Variants in CORIN observed in about 807,000 individuals in gnomAD.
CORIN encodes the protein atrial natriuretic peptide-converting enzyme.
A neutral mutation model predicts 125.3 loss-of-function variants in CORIN; 117 were observed. The observed-to-expected ratio is 0.93, with a 90% CI of 0.80 to 1.09. The LOEUF (loss-of-function observed/expected upper bound fraction) is 1.09, where lower values mean the gene tolerates loss of function less well. Ranked by LOEUF, CORIN falls within the 50% of genes least tolerant of loss-of-function variation. CORIN has a pLI of 0.00. For synonymous variants in CORIN, 450 were observed against 466.4 expected, an observed-to-expected ratio of 0.96 and a Z score of 0.45; for missense variants, 1,253 against 1,306.7, an observed-to-expected ratio of 0.96 and a Z score of 0.63.
At chr4:47,836,882 G>A (rs1240333787) in intron 1 of CORIN, among the ~76,000 whole-genome samples, 2 of 152,224 alleles carry the variant, frequency 1.3e-5, no homozygotes, top group Non-Finnish European at 2.9e-5. Context: ...CGCACAGCCT[G>A]CCCTCTCTGC....
chr4:47,751,505 C>G (rs896782752), intron 4 of CORIN, among the ~76,000 whole-genome samples: 1 of 152,194 alleles, frequency 6.6e-6, no homozygotes, highest in Non-Finnish European at 1.5e-5. Flanking sequence ...TGTACTCTCT[C>G]TAATATATGG....
chr4:47,701,929 C>CAGA lies in CORIN; in HGVS notation c.800-8849_800-8847dup, dbSNP rs1400770965. Among the ~76,000 whole-genome samples the CAGA allele has an allele frequency of 4.6e-5, 7 of 152,108 alleles. No individual in the cohort carries two copies. The South Asian group carries it at 1.5e-3, about 32-fold the overall frequency. On this transcript the variant is annotated intron_variant, in intron 5 of 21. Transcript: ENST00000273857. ...ATTCTGTTATTTATCATTTCCTGAACAGAAGTGCAGTAACATAATTTCAAA... is the reference window on the plus strand; with the variant it reads ...ATTCTGTTATTTATCATTTCCTGAACAGAAGAAGTGCAGTAACATAATTTCAAA...
chr4:47,758,002 C>T (rs1667569064), intron 4 of CORIN, among the ~76,000 whole-genome samples: 1 of 151,380 alleles, frequency 6.6e-6, no homozygotes, highest in Non-Finnish European at 1.5e-5. Context: ...CAAGCTCCAC[C>T]TCCCGGATTC....
intron 1 of CORIN, among the ~76,000 whole-genome samples, chr4:47,829,082 C>T (rs1420626077): frequency 9.7e-5 from 14 of 144,616 alleles, no homozygotes; most frequent in South Asian, 2.2e-4. Flanking sequence ...AGCGTGAACC[C>T]GGGAGGCGGA....
chr4:47,752,576 C>A (rs762886849), intron 4 of CORIN, among the ~76,000 whole-genome samples: 3 of 152,080 alleles, frequency 2.0e-5, no homozygotes, highest in African/African-American at 7.2e-5. Context: ...TTAAGTAATG[C>A]CCACGTAAGA....
At chr4:47,668,365 C>T (rs192192792) in intron 10 of CORIN, among the ~76,000 whole-genome samples, 4 of 152,320 alleles carry the variant, frequency 2.6e-5, no homozygotes, top group Non-Finnish European at 5.9e-5. Flanking sequence ...TGCCTTTCCC[C>T]GCTCACATTT....
intron 5 of CORIN, among the ~76,000 whole-genome samples, chr4:47,705,617 T>C (rs1417548910): frequency 6.6e-6 from 1 of 152,206 alleles, no homozygotes; most frequent in Non-Finnish European, 1.5e-5. Context: ...GGAGACAGAT[T>C]GATCAATCGG....
intron 13 of CORIN, among the ~76,000 whole-genome samples, chr4:47,650,086 CAG>C (rs1723673876): frequency 6.6e-6 from 1 of 152,174 alleles, no homozygotes; most frequent in African/African-American, 2.4e-5. Context: ...CCGTAAATAT[CAG>C]AGTCAGATCT....
chr4:47,763,479 TGAG>T lies in CORIN; in HGVS notation c.514_516del (p.Leu172del). 6.2e-7 allele frequency: 1 copy of T among 1,614,168 alleles called. No homozygotes were observed. The highest frequency in any genetic ancestry group is 1.3e-5 in the African/African-American group (1 of 75,024). ...AGGCGATGGAGATATGTGAAAAACT[TGAG>T]GAACTTTTCCATTTCCATGTTTCTG... On this transcript the variant is annotated inframe_deletion, in exon 4 of 22. Coordinates refer to ENST00000273857, the MANE Select transcript of CORIN (RefSeq NM_006587.4).
intron 15 of CORIN, among the ~76,000 whole-genome samples, chr4:47,642,380 G>A (rs142258344): frequency 2.6e-5 from 4 of 152,210 alleles, no homozygotes; most frequent in African/African-American, 4.8e-5. Flanking sequence ...TACAAGAAGC[G>A]AGTTGTAAAT....
chr4:47,809,627 C>T (rs953656837), intron 1 of CORIN, among the ~76,000 whole-genome samples: 8 of 151,870 alleles, frequency 5.3e-5, no homozygotes, highest in African/African-American at 1.7e-4. Context: ...AGACTGGTCT[C>T]GAACTCCTGA....
intron 13 of CORIN, among the ~76,000 whole-genome samples, chr4:47,651,741 T>G (rs1385925475): frequency 6.6e-6 from 1 of 152,240 alleles, no homozygotes; most frequent in African/African-American, 2.4e-5. Context: ...TATTTTGATG[T>G]GCCTTTAATT....
chr4:47,736,560 G>A (rs557976443), intron 5 of CORIN, among the ~76,000 whole-genome samples: 1 of 152,198 alleles, frequency 6.6e-6, no homozygotes, highest in Non-Finnish European at 1.5e-5. Flanking sequence ...GTGTCATGGG[G>A]GTTTGTTGTA....
At chr4:47,721,356 AC>A (rs1218795372) in intron 5 of CORIN, among the ~76,000 whole-genome samples, 1 of 150,346 alleles carries the variant, frequency 6.7e-6, no homozygotes, top group Admixed American at 6.6e-5. Flanking sequence ...TGCAACCTCC[AC>A]CTCCTGGGTT....
At chr4:47,792,247 G>C (rs2109927926) in intron 2 of CORIN, among the ~76,000 whole-genome samples, 1 of 152,320 alleles carries the variant, frequency 6.6e-6, no homozygotes, top group South Asian at 2.1e-4. Flanking sequence ...AGCCTGGTAA[G>C]AGAAAAGACT....
chr4:47,806,811 T>G, intron 2 of CORIN, 92 bp downstream of exon 2: 1 of 1,321,094 alleles, frequency 7.6e-7, no homozygotes, highest in Admixed American at 3.0e-5. Context: ...ACTGACACTT[T>G]GGGTTAAATA....
At chr4:47,735,219 A>G (rs993467462) in intron 5 of CORIN, among the ~76,000 whole-genome samples, 2 of 152,246 alleles carry the variant, frequency 1.3e-5, no homozygotes, top group Non-Finnish European at 2.9e-5. Flanking sequence ...ATGCATATAC[A>G]AAGATTGTAG....
intron 5 of CORIN, among the ~76,000 whole-genome samples, chr4:47,728,834 G>A (rs186526661): frequency 1.3e-5 from 2 of 152,180 alleles, no homozygotes; most frequent in Admixed American, 1.3e-4. Context: ...ATCAACCTAT[G>A]ATCTTGAGCT....
intron 5 of CORIN, among the ~76,000 whole-genome samples, chr4:47,712,640 C>G (rs28470410): frequency 0.049 from 7,489 of 152,140 alleles, 568 homozygotes; most frequent in African/African-American, 0.17. Context: ...AATCCTTCCT[C>G]CCCTGGCTGC....
Sources: gnomAD v4.1 joint callset for allele counts (sites outside exome capture counted in the v4.1 genomes callset) on GRCh38, gnomAD v4.1.1 for gene constraint, MANE v1.5 for transcripts, NCBI Gene and HGNC (gene_info 2026-07-23, HGNC 2026-07-21) for gene names.